Variants in PGR observed in about 807,000 individuals in gnomAD.
The protein encoded by PGR is progesterone receptor.
PGR carries 25 observed loss-of-function variants against 76.1 expected under a neutral mutation model. The observed-to-expected ratio is 0.33, with a 90% CI of 0.24 to 0.46. PGR has a LOEUF of 0.46. Among genes scored for constraint, PGR ranks in the 20% least tolerant of loss-of-function variants. The pLI is 1.00. For missense variants in PGR, 1,172 were observed against 1,225.3 expected (o/e 0.96, Z 0.65); for synonymous variants, 579 against 535.0 (o/e 1.08, Z -1.14).
At chr11:101,066,006 C>T (rs1860700412) in intron 3 of PGR, among the ~76,000 whole-genome samples, 1 of 152,190 alleles carries the variant, frequency 6.6e-6, no homozygotes, top group Non-Finnish European at 1.5e-5. Flanking sequence ...ATTCATACTC[C>T]TGACATTTCA....
At chr11:101,084,289 C>A (rs564759432) in intron 3 of PGR, among the ~76,000 whole-genome samples, 14 of 152,268 alleles carry the variant, frequency 9.2e-5, no homozygotes, top group Non-Finnish European at 1.9e-4. Flanking sequence ...AATGTCATTT[C>A]TTCATAAATT....
intron 2 of PGR, among the ~76,000 whole-genome samples, chr11:101,116,510 C>T (rs565307941): frequency 3.3e-5 from 5 of 152,020 alleles, no homozygotes; most frequent in South Asian, 2.1e-4. Context: ...GAGGCCAAGG[C>T]GGGAGGATCA....
chr11:101,102,413 G>C (rs938289035), intron 2 of PGR, among the ~76,000 whole-genome samples: 1 of 152,160 alleles, frequency 6.6e-6, no homozygotes, highest in Non-Finnish European at 1.5e-5. Context: ...GATATTCGCT[G>C]TACTATTCCT....
chr11:101,127,402 C>A (rs753904342), intron 1 of PGR, 32 bp downstream of exon 1: 2 of 1,483,832 alleles, frequency 1.3e-6, no homozygotes, highest in Non-Finnish European at 1.8e-6. Context: ...TACTCCCGGA[C>A]GCGCTGGGCG....
rs139006763 is a variant in PGR, at chr11:101,087,628, C to G, written c.1906+4132G>C. On this transcript the variant is annotated intron_variant, in intron 3 of 7. Transcript: ENST00000325455. ...GTTTCTGCACAGCAAAATAAACTAC[C>G]AATGGAGTTAACAGACAACCAACAG... 1.9e-3 allele frequency among the ~76,000 whole-genome samples: 292 copies of G among 152,010 alleles called. 3 individuals are homozygous for G. The highest frequency in any genetic ancestry group is 6.8e-3 in the African/African-American group (282 of 41,446).
At chr11:101,069,361 C>A (rs531987579) in intron 3 of PGR, among the ~76,000 whole-genome samples, 2 of 152,270 alleles carry the variant, frequency 1.3e-5, no homozygotes, top group South Asian at 4.1e-4. Context: ...CAGGAAACAA[C>A]AGATGCTGGA....
intron 3 of PGR, among the ~76,000 whole-genome samples, chr11:101,079,845 AC>A (rs1861242502): frequency 6.6e-6 from 1 of 152,146 alleles, no homozygotes; most frequent in African/African-American, 2.4e-5. Context: ...ATTGTCATTT[AC>A]CCCTCCTGTG....
rs150677986 is a variant in PGR, at chr11:101,092,491, T to C, written c.1790-615A>G. Among the ~76,000 whole-genome samples the C allele has an allele frequency of 8.4e-4, 128 of 152,232 alleles. 1 individual carries two copies. Among genetic ancestry groups the C allele is most frequent in the Middle Eastern group, 3.4e-3 (1 of 294 alleles). On this transcript the variant is annotated intron_variant, in intron 2 of 7. Coordinates refer to ENST00000325455, the MANE Select transcript of PGR (RefSeq NM_000926.4). ...AAAATACCTTGAACAGAAATAATGA[T>C]AAAGGAAGAACTTAAAACAGATAGA...
chr11:101,097,926 A>C (rs1230530530), intron 2 of PGR, among the ~76,000 whole-genome samples: 1 of 151,610 alleles, frequency 6.6e-6, no homozygotes, highest in Non-Finnish European at 1.5e-5. Context: ...ACAGGCGCCC[A>C]CCACCACGTC....
At chr11:101,041,834 C>G in intron 7 of PGR, 111 bp downstream of exon 7, 1 of 945,560 alleles carries the variant, frequency 1.1e-6, no homozygotes, top group Non-Finnish European at 1.6e-6. Flanking sequence ...TTTTAACATA[C>G]AAGTATTAAT....
rs576485973 is a variant in PGR at position 101,034,908 on chromosome 11, A to T, written c.*4208T>A. 106 of 184,840 alleles carry T rather than the reference A, an allele frequency of 5.7e-4. 3 individuals are homozygous for T. The South Asian group carries it at 0.019, about 34-fold the overall frequency. 11.4% of individuals were successfully genotyped at this position (184,840 alleles called of 1,614,324 possible). On this transcript the variant is annotated 3_prime_UTR_variant, in exon 8 of 8. Coordinates refer to ENST00000325455, the MANE Select transcript of PGR (RefSeq NM_000926.4). ...GTCCACAGATGCTAGGGAGAAACAG[A>T]GATTGTTGTTTTCACTCAGCCATGA...
rs1288328359 is a variant in PGR, at chr11:101,127,340, T to A, written c.1637+94A>T. 6 of 940,672 alleles carry A rather than the reference T, an allele frequency of 6.4e-6. No homozygotes were observed. The African/African-American group carries it at 8.9e-5, about 14-fold the overall frequency. 58.3% of individuals were successfully genotyped at this position (940,672 alleles called of 1,614,324 possible). On this transcript the variant is annotated intron_variant, in intron 1 of 7. Coordinates refer to ENST00000325455, the MANE Select transcript of PGR (RefSeq NM_000926.4). ...CCGGCCGCCCCGGGGAGCGCAGCGG[T>A]GCGCTGGGGCTGGGGCTGAGGGTTG... is the stretch of plus-strand genomic sequence containing the variant.
At chr11:101,115,002 C>A (rs989136607) in intron 2 of PGR, among the ~76,000 whole-genome samples, 1 of 152,194 alleles carries the variant, frequency 6.6e-6, no homozygotes, top group African/African-American at 2.4e-5. Context: ...ATAATCCTCA[C>A]CATTCCTTTA....
Position 101,051,471 on chromosome 11 carries a change from G to A in PGR, c.2310C>T (p.His770=), listed in dbSNP as rs1042839. The change falls in exon 5 of 8, where the codon CAC becomes CAT. Residue 770 remains histidine (H), a synonymous_variant. Coordinates refer to ENST00000325455, the MANE Select transcript of PGR (RefSeq NM_000926.4). Reference sequence around the variant, plus strand: ...CAAAATACAGCATCTGCCCACTGACGTGTTTGTAGGATCTCCATCCTAGAC... The same window carrying A: ...CAAAATACAGCATCTGCCCACTGACATGTTTGTAGGATCTCCATCCTAGAC... ...VFGLGWRSYK[H]VSGQMLYFAP... 232,501 of 1,604,830 alleles carry A rather than the reference G, an allele frequency of 0.14. 18,615 individuals are homozygous for A. The highest frequency in any genetic ancestry group is 0.16 in the Non-Finnish European group (187,801 of 1,171,914).
chr11:101,066,832 C>T (rs1860734407), intron 3 of PGR, among the ~76,000 whole-genome samples: 2 of 152,136 alleles, frequency 1.3e-5, no homozygotes, highest in African/African-American at 4.8e-5. Context: ...AATCCAAATA[C>T]CTGTTTCCAC....
chr11:101,080,607 G>C (rs1478228282), intron 3 of PGR, among the ~76,000 whole-genome samples: 1 of 152,126 alleles, frequency 6.6e-6, no homozygotes, highest in Non-Finnish European at 1.5e-5. Context: ...CTAAGGGATT[G>C]CACTAGCTTT....
At position 101,033,695 on chromosome 11, in the gene PGR, G is replaced by T. The variant is rs1859421950; in HGVS notation, c.*5421C>A. The T allele has an allele frequency of 4.9e-6, 1 of 202,856 alleles. No individual in the cohort carries two copies. The highest frequency in any genetic ancestry group is 1.9e-4 in the South Asian group (1 of 5,238). 12.6% of individuals were successfully genotyped at this position (202,856 alleles called of 1,614,324 possible). ...CTTCAAGGTATAGACTTTTCTGGGG[G>T]AGGAGAAAATAAAAGGTATTTTTAG... On this transcript the variant is annotated 3_prime_UTR_variant, in exon 8 of 8. Coordinates refer to ENST00000325455, the MANE Select transcript of PGR (RefSeq NM_000926.4).
intron 2 of PGR, among the ~76,000 whole-genome samples, chr11:101,119,034 G>C (rs1164934522): frequency 6.6e-6 from 1 of 152,154 alleles, no homozygotes; most frequent in African/African-American, 2.4e-5. Context: ...CAGATCATCA[G>C]GTATTAGATT....
At chr11:101,042,817 T>C (rs492827) in intron 6 of PGR, among the ~76,000 whole-genome samples, 48,763 of 152,110 alleles carry the variant, frequency 0.32, 8,988 homozygotes, top group African/African-American at 0.52. Flanking sequence ...ATTTACACTA[T>C]ACTAGAATGT....
Sources: allele counts gnomAD v4.1 joint callset (sites outside exome capture counted in the v4.1 genomes callset), GRCh38; gene constraint gnomAD v4.1.1; transcripts MANE v1.5; gene names NCBI Gene and HGNC (gene_info 2026-07-23, HGNC 2026-07-21).